Variants in NADK observed in about 807,000 individuals in gnomAD.
NADK encodes the protein NAD kinase.
A neutral mutation model predicts 49.8 loss-of-function variants in NADK; 22 were observed. That is an observed-to-expected ratio of 0.44 (90% CI 0.32 to 0.63). The LOEUF (loss-of-function observed/expected upper bound fraction) is 0.63. Ranked by LOEUF, NADK falls within the 30% of genes least tolerant of loss-of-function variation. The probability of loss-of-function intolerance (pLI) is 0.06; values close to 1 mark genes in which losing one functional copy is unlikely to be tolerated. For synonymous variants in NADK, 268 were observed against 253.7 expected (o/e 1.06, Z -0.54); for missense variants, 438 against 609.4 (o/e 0.72, Z 2.96).
intron 1 of NADK, among the ~76,000 whole-genome samples, chr1:1,771,042 T>C (rs1297446150): frequency 2.3e-5 from 3 of 130,502 alleles, no homozygotes; most frequent in Non-Finnish European, 3.2e-5. Flanking sequence ...TTTCATCTTA[T>C]AAAAAAAAAA....
intron 1 of NADK, among the ~76,000 whole-genome samples, chr1:1,773,734 G>A (rs1355792948): frequency 6.7e-6 from 1 of 150,118 alleles, no homozygotes; most frequent in African/African-American, 2.5e-5. Context: ...GTGTGTGAGA[G>A]AGAGAGAGAA....
chr1:1,759,048 C>T, intron 3 of NADK: 1 of 1,473,136 alleles, frequency 6.8e-7, no homozygotes, highest in Middle Eastern at 1.8e-4. Flanking sequence ...CCAGCAAAGC[C>T]CCCGCCCTGC....
intron 1 of NADK, among the ~76,000 whole-genome samples, chr1:1,774,627 G>A (rs1027955781): frequency 6.6e-6 from 1 of 151,454 alleles, no homozygotes; most frequent in East Asian, 1.9e-4. Context: ...ATTGTGCCTC[G>A]GCCTCCCACA....
intron 3 of NADK, among the ~76,000 whole-genome samples, chr1:1,760,200 C>G (rs1014646675): frequency 1.4e-4 from 22 of 152,298 alleles, no homozygotes; most frequent in Non-Finnish European, 2.2e-4. Flanking sequence ...GGAAAGCAAA[C>G]AGGGGTCGGG....
chr1:1,766,364 C>T (rs1645884519), intron 1 of NADK, among the ~76,000 whole-genome samples: 2 of 119,066 alleles, frequency 1.7e-5, no homozygotes, highest in Non-Finnish European at 3.2e-5. Flanking sequence ...TGAGATTGTG[C>T]CACTGCACTC....
intron 1 of NADK, among the ~76,000 whole-genome samples, chr1:1,766,788 A>G (rs190483885): frequency 1.3e-5 from 2 of 150,148 alleles, no homozygotes; most frequent in East Asian, 3.9e-4. Flanking sequence ...TTCCTTTGGT[A>G]GAGACAGGGT....
chr1:1,765,140 C>T, intron 2 of NADK, 88 bp downstream of exon 2: 1 of 1,338,670 alleles, frequency 7.5e-7, no homozygotes. Context: ...ACGCAGACTA[C>T]TCAGGAGAAT....
intron 1 of NADK, among the ~76,000 whole-genome samples, chr1:1,766,483 A>G (rs531042729): frequency 6.8e-6 from 1 of 147,960 alleles, no homozygotes; most frequent in Admixed American, 6.8e-5. Context: ...AATACAACAC[A>G]TTAATGAGAG....
intron 3 of NADK, chr1:1,759,687 G>A: frequency 6.5e-7 from 1 of 1,537,350 alleles, no homozygotes; most frequent in Non-Finnish European, 8.8e-7. Flanking sequence ...CTCCCATGGG[G>A]GTGCCGAGAA....
chr1:1,754,539 C>T lies in NADK; in HGVS notation c.843+5G>A. 1.1e-5 allele frequency: 17 copies of T among 1,608,712 alleles called. No individual in the cohort carries two copies. The highest frequency in any genetic ancestry group is 1.4e-5 in the Non-Finnish European group (17 of 1,177,254). On this transcript the variant is annotated splice_donor_5th_base_variant and intron_variant, in intron 8 of 11. Transcript: ENST00000341426. The surrounding 1 kb of genome is among the most constrained non-coding windows in gnomAD (Gnocchi z 4.3). ...CCTCACCGAGGCCGAGGCGCCTCCA[C>T]TCACCTGGTACTGCATGGCCTGCTT...
chr1:1,773,742 G>GAAATAGAGAT (rs1646127205), intron 1 of NADK, among the ~76,000 whole-genome samples: 1 of 146,912 alleles, frequency 6.8e-6, no homozygotes. Context: ...GAGAGAGAGA[G>GAAATAGAGAT]AAATAGAGAT....
At position 1,778,037 on chromosome 1, in the gene NADK, C is replaced by T. The variant is rs1646262530; in HGVS notation, c.-41+252G>A. 6.6e-6 allele frequency among the ~76,000 whole-genome samples: 1 copy of T among 152,188 alleles called. No homozygotes were observed. The highest frequency in any genetic ancestry group is 1.5e-5 in the Non-Finnish European group (1 of 68,024). On this transcript the variant is annotated intron_variant, in intron 1 of 11. Transcript: ENST00000341426. The surrounding 1 kb of genome is among the most constrained non-coding windows in gnomAD (Gnocchi z 4.9). The stretch of plus-strand genomic sequence containing the variant: ...GTCCGGGCTGGACGGCCCCACCTTC[C>T]CCGCCCGGGAGAGCCAGGCCGGACA...
chr1:1,756,704 C>T (rs778345435), intron 4 of NADK, 96 bp from the exon 5 acceptor site: 1 of 1,593,636 alleles, frequency 6.3e-7, no homozygotes. Flanking sequence ...AGAGACCTGG[C>T]ATCGTGGCCT....
At position 1,754,753 on chromosome 1, in the gene NADK, G is replaced by T; in HGVS notation, c.689-55C>A. The T allele has an allele frequency of 4.6e-6, 7 of 1,531,554 alleles. No individual in the cohort carries two copies. The highest frequency in any genetic ancestry group is 5.3e-6 in the Non-Finnish European group (6 of 1,142,000). 94.9% of individuals were successfully genotyped at this position (1,531,554 alleles called of 1,614,324 possible). A position where few individuals can be genotyped will look rare whatever the true frequency, so the allele number is the denominator to read the frequency against. On this transcript the variant is annotated intron_variant, in intron 7 of 11. Coordinates refer to ENST00000341426, the MANE Select transcript of NADK (RefSeq NM_023018.5). This position sits in a 1 kb window ranked among gnomAD's most constrained non-coding sequence, Gnocchi z 4.3. ...CATCAGGGAAGTCAGTGGGGTCAGG[G>T]GCCCCACCCCAGGGAGGCCAGTGGG... is the stretch of plus-strand genomic sequence containing the variant.
chr1:1,756,749 C>A (rs1318713666), intron 4 of NADK, 141 bp from the exon 5 acceptor site: 1 of 1,465,792 alleles, frequency 6.8e-7, no homozygotes, highest in Non-Finnish European at 9.4e-7. Context: ...GCTGAAACTT[C>A]ATCACCAACG....
intron 3 of NADK, chr1:1,758,979 C>T: frequency 7.7e-7 from 1 of 1,291,664 alleles, no homozygotes; most frequent in Non-Finnish European, 1.0e-6. Flanking sequence ...CGCTGCGTCA[C>T]TCTGCTTGGC....
chr1:1,765,439 A>G lies in NADK; in HGVS notation c.-33T>C. 6.9e-7 allele frequency: 1 copy of G among 1,439,284 alleles called. No homozygotes were observed. Among genetic ancestry groups the G allele is most frequent in the Admixed American group, 2.1e-5 (1 of 47,580 alleles). The allele number at this position is 1,439,284 out of a possible 1,614,324, so 89.2% of individuals were successfully genotyped here. On this transcript the variant is annotated 5_prime_UTR_variant, in exon 2 of 12. Transcript: ENST00000341426. ...AAATGAGAACTTCGGTCAGAAAAAC[A>G]CTGATGCCTTAATTTAATAAAATAA...
chr1:1,757,033 C>A, intron 4 of NADK, 148 bp downstream of exon 4: 1 of 1,238,216 alleles, frequency 8.1e-7, no homozygotes, highest in Non-Finnish European at 1.2e-6. Context: ...AGACACCCGG[C>A]AGATCCCCAC....
rs1216020515 is a variant in NADK at position 1,772,161 on chromosome 1, T to A, written c.-41+6128A>T. On this transcript the variant is annotated intron_variant, in intron 1 of 11. Transcript: ENST00000341426. The stretch of plus-strand genomic sequence containing the variant: ...CTTTTATACTTAATGGAACCCTGAA[T>A]TTTTTTTTTTTTTCCTGTTTTAGGC... 3.8e-5 allele frequency among the ~76,000 whole-genome samples: 4 copies of A among 104,190 alleles called. No individual in the cohort carries two copies. In the East Asian group the frequency reaches 1.3e-3, roughly 35 times the overall value. 68.4% of individuals were successfully genotyped at this position (104,190 alleles called of 152,430 possible). A position where few individuals can be genotyped will look rare whatever the true frequency, so the allele number is the denominator to read the frequency against.
Sources: allele counts gnomAD v4.1 joint callset (sites outside exome capture counted in the v4.1 genomes callset), GRCh38; gene constraint gnomAD v4.1.1; non-coding constraint Gnocchi (gnomAD v3.1); transcripts MANE v1.5; gene names NCBI Gene and HGNC (gene_info 2026-07-23, HGNC 2026-07-21).